USP25: variants seen among roughly 807,000 people sequenced by gnomAD.
USP25 encodes the protein ubiquitin carboxyl-terminal hydrolase 25.
A neutral mutation model predicts 158.5 loss-of-function variants in USP25; 85 were observed. That is an observed-to-expected ratio of 0.54 (90% CI 0.45 to 0.64). The LOEUF (loss-of-function observed/expected upper bound fraction) is 0.64, where lower values mean the gene tolerates loss of function less well. USP25 is among the 30% of genes least tolerant of loss of function. USP25 has a pLI of 0.00. For missense variants in USP25, 1,242 were observed against 1,327.3 expected, an observed-to-expected ratio of 0.94 and a Z score of 1.00; for synonymous variants, 464 against 460.4, an observed-to-expected ratio of 1.01 and a Z score of -0.10.
chr21:15,817,167 G>T (rs2036984103), intron 9 of USP25, among the ~76,000 whole-genome samples: 1 of 139,278 alleles, frequency 7.2e-6, no homozygotes. Flanking sequence ...TCATCATCTA[G>T]TTGTTCAAAA....
chr21:15,769,209 A>G (rs1237869991), intron 3 of USP25, among the ~76,000 whole-genome samples: 2 of 152,102 alleles, frequency 1.3e-5, no homozygotes, highest in African/African-American at 4.8e-5. Context: ...TTTAATATTG[A>G]AGAAGTAAAT....
intron 20 of USP25, among the ~76,000 whole-genome samples, chr21:15,854,226 A>C (rs1601137163): frequency 6.6e-6 from 1 of 151,190 alleles, no homozygotes; most frequent in Non-Finnish European, 1.5e-5. Context: ...GCTCACTGCA[A>C]CCTCTGCCTC....
At chr21:15,834,801 A>G (rs1286302930) in intron 17 of USP25, among the ~76,000 whole-genome samples, 1 of 152,204 alleles carries the variant, frequency 6.6e-6, no homozygotes. Context: ...GAATACCACC[A>G]TTATAGTGGC....
At position 15,868,660 on chromosome 21, in the gene USP25, A is replaced by G. The variant is rs75173288; in HGVS notation, c.2806-1408A>G. Among the ~76,000 whole-genome samples, 1,422 of 152,280 alleles carry G rather than the reference A, an allele frequency of 9.3e-3. 19 individuals are homozygous for G. The highest frequency in any genetic ancestry group is 0.033 in the African/African-American group (1,364 of 41,538). The stretch of plus-strand genomic sequence containing the variant: ...ACCAGCTTACCACCTGTTTTTGTAA[A>G]TAAACTTTTATTGGAACATGGCCAT... On this transcript the variant is annotated intron_variant, in intron 22 of 25. Transcript: ENST00000400183.
chr21:15,733,808 C>T (rs1464549966), intron 1 of USP25, among the ~76,000 whole-genome samples: 1 of 152,132 alleles, frequency 6.6e-6, no homozygotes, highest in Non-Finnish European at 1.5e-5. Context: ...CGCCATTGCA[C>T]TCCAGCCTGG....
intron 1 of USP25, among the ~76,000 whole-genome samples, chr21:15,741,763 A>G (rs1356048324): frequency 2.6e-5 from 4 of 152,160 alleles, no homozygotes; most frequent in African/African-American, 9.7e-5. Flanking sequence ...AAGGTAGAAC[A>G]CTCCAGGACC....
chr21:15,840,986 TA>T (rs1381617573), intron 17 of USP25, among the ~76,000 whole-genome samples: 1 of 152,214 alleles, frequency 6.6e-6, no homozygotes, highest in African/African-American at 2.4e-5. Context: ...AAGCTGATGG[TA>T]GCCAAAGATT....
In USP25 at chr21:15,774,742, G is replaced by A. The variant is rs73892531; in HGVS notation, c.269-3162G>A. ...TAATAAAATTAGGTTTAATCTTTTC[G>A]CCAAGAACATAATTCTAAAAGAAAC... On this transcript the variant is annotated intron_variant, in intron 3 of 25. Transcript: ENST00000400183. Among the ~76,000 whole-genome samples the A allele has an allele frequency of 4.3e-3, 659 of 152,132 alleles. 2 individuals are homozygous for A. The highest frequency in any genetic ancestry group is 0.015 in the African/African-American group (633 of 41,504).
At chr21:15,752,042 C>T (rs760810331) in intron 1 of USP25, among the ~76,000 whole-genome samples, 5 of 152,238 alleles carry the variant, frequency 3.3e-5, no homozygotes, top group Non-Finnish European at 7.3e-5. Flanking sequence ...TCAAGCTATT[C>T]TCCTGCCTCA....
intron 1 of USP25, among the ~76,000 whole-genome samples, chr21:15,747,502 A>C (rs1412276235): frequency 6.6e-6 from 1 of 151,880 alleles, no homozygotes; most frequent in South Asian, 2.1e-4. Context: ...TCCTATATAT[A>C]GTATCTACCT....
chr21:15,861,311 G>T (rs2039418460), intron 20 of USP25, among the ~76,000 whole-genome samples: 1 of 152,080 alleles, frequency 6.6e-6, no homozygotes, highest in Non-Finnish European at 1.5e-5. Flanking sequence ...TGAATAAATG[G>T]CATTAAGCCT....
At chr21:15,794,660 G>C (rs1347298538) in intron 5 of USP25, among the ~76,000 whole-genome samples, 4 of 151,448 alleles carry the variant, frequency 2.6e-5, no homozygotes, top group African/African-American at 9.7e-5. Flanking sequence ...TACTCCTATT[G>C]TAGATCTGTT....
At chr21:15,759,921 C>T (rs1023414183) in intron 1 of USP25, among the ~76,000 whole-genome samples, 7 of 152,122 alleles carry the variant, frequency 4.6e-5, no homozygotes, top group African/African-American at 1.4e-4. Flanking sequence ...GTTTATTCAT[C>T]CATTTTGATA....
At chr21:15,795,307 A>T (rs1292472434) in intron 5 of USP25, among the ~76,000 whole-genome samples, 1 of 151,548 alleles carries the variant, frequency 6.6e-6, no homozygotes, top group African/African-American at 2.4e-5. Context: ...AGGTCCTCCC[A>T]TCTATAGTAC....
chr21:15,794,700 C>T (rs1325481424), intron 5 of USP25, among the ~76,000 whole-genome samples: 1 of 151,478 alleles, frequency 6.6e-6, no homozygotes, highest in Non-Finnish European at 1.5e-5. Context: ...TAAAGCCCTG[C>T]TGTGTATGAT....
chr21:15,731,126 A>G (rs555427237), intron 1 of USP25, among the ~76,000 whole-genome samples: 2 of 151,296 alleles, frequency 1.3e-5, no homozygotes, highest in East Asian at 3.9e-4. Flanking sequence ...CACACATTCA[A>G]ATGGTCACTC....
chr21:15,740,610 A>G (rs1368487059), intron 1 of USP25, among the ~76,000 whole-genome samples: 2 of 141,378 alleles, frequency 1.4e-5, no homozygotes, highest in Non-Finnish European at 3.0e-5. Flanking sequence ...TGTACATGCT[A>G]AAGTTGTAAT....
chr21:15,858,322 G>T (rs778911638), intron 20 of USP25, among the ~76,000 whole-genome samples: 4 of 151,572 alleles, frequency 2.6e-5, no homozygotes, highest in Non-Finnish European at 5.9e-5. Flanking sequence ...AACATGATAC[G>T]CCTTTTCACT....
intron 20 of USP25, among the ~76,000 whole-genome samples, chr21:15,853,794 G>GT (rs149772179): frequency 3.3e-5 from 5 of 151,486 alleles, no homozygotes; most frequent in South Asian, 2.1e-4. Context: ...GAGCTTTCCT[G>GT]TTTTTTTTAA....
Sources: allele counts gnomAD v4.1 joint callset (sites outside exome capture counted in the v4.1 genomes callset), GRCh38; gene constraint gnomAD v4.1.1; transcripts MANE v1.5; gene names NCBI Gene and HGNC (gene_info 2026-07-23, HGNC 2026-07-21).